MXRA5: variants seen among roughly 807,000 people sequenced by gnomAD.
MXRA5 encodes the protein matrix-remodeling-associated protein 5.
In MXRA5, 41 loss-of-function variants were observed where a neutral mutation model predicts 112.5. That is an observed-to-expected ratio of 0.36 (90% CI 0.28 to 0.47). The LOEUF (loss-of-function observed/expected upper bound fraction) is 0.47. Among genes scored for constraint, MXRA5 ranks in the 20% least tolerant of loss-of-function variants. The probability of loss-of-function intolerance (pLI) is 0.99; values close to 1 mark genes in which losing one functional copy is unlikely to be tolerated. For synonymous variants in MXRA5, 862 were observed against 900.8 expected, an observed-to-expected ratio of 0.96 and a Z score of 0.77; for missense variants, 2,150 against 2,251.0, an observed-to-expected ratio of 0.96 and a Z score of 0.91.
At chrX:3,315,368 G>GA (rs1569181278) in intron 6 of MXRA5, among the ~76,000 whole-genome samples, 5 of 38,798 alleles carry the variant, frequency 1.3e-4, no homozygotes, top group Non-Finnish European at 2.2e-4. Context: ...TAGATAGATA[G>GA]ATAGAATAGA....
Position 3,317,133 on chromosome X carries a change from G to C in MXRA5, c.6548C>G (p.Pro2183Arg), listed in dbSNP as rs748162487. 4 of 1,185,102 alleles carry C rather than the reference G, an allele frequency of 3.4e-6. No homozygotes were observed. Among genetic ancestry groups the C allele is most frequent in the African/African-American group, 1.8e-5 (1 of 56,959 alleles). Reference sequence around the variant, plus strand: ...GAGCGCGTCGATCATCCTCTTGGACGGCAGCCTCCAGAGGATGCGCGGCCA... The same window carrying C: ...GAGCGCGTCGATCATCCTCTTGGACCGCAGCCTCCAGAGGATGCGCGGCCA... Reference protein sequence around the residue: ...DPWPRILWRLPSKRMIDALFS... With the variant: ...DPWPRILWRLRSKRMIDALFS... Residue 2183 changes from proline (P) to arginine (R), a missense_variant, in exon 6 of 7, where the codon CCG becomes CGG. Coordinates refer to ENST00000217939, the MANE Select transcript of MXRA5 (RefSeq NM_015419.4).
intron 5 of MXRA5, among the ~76,000 whole-genome samples, chrX:3,319,436 T>C (rs906878402): frequency 8.9e-6 from 1 of 112,614 alleles, no homozygotes; most frequent in African/African-American, 3.2e-5. Flanking sequence ...CTCTCCCTTA[T>C]TTATTTATGC....
rs1287829970 is a variant in MXRA5 at position 3,320,856 on chromosome X, G to T, written c.4829C>A (p.Ala1610Asp). 1 of 1,211,870 alleles carries T rather than the reference G, an allele frequency of 8.3e-7. No homozygotes were observed. Among genetic ancestry groups the T allele is most frequent in the Non-Finnish European group, 1.1e-6 (1 of 895,544 alleles). The change falls in exon 5 of 7, where the codon GCC (alanine) becomes GAC (aspartate). Residue 1610 changes from alanine to aspartate, a missense_variant. This residue lies in a region of MXRA5 where 1,485 missense variants were observed against 1,471.6 expected (regional missense o/e 1.01). Coordinates refer to ENST00000217939, the MANE Select transcript of MXRA5 (RefSeq NM_015419.4). ...HASHQLTRVP[A>D]KPILPTATVR... The stretch of plus-strand genomic sequence containing the variant: ...TGTTGCTGTTGGTAGGATGGGTTTG[G>T]CAGGGACTCTGGTTAGTTGATGAGA...
chrX:3,325,860 T>A (rs867537263), intron 4 of MXRA5, among the ~76,000 whole-genome samples: 2 of 32,310 alleles, frequency 6.2e-5, no homozygotes, highest in Admixed American at 3.7e-4. Context: ...AATTTATAAT[T>A]ATAATTTATA....
chrX:3,337,368 A>G (rs1453828121), intron 2 of MXRA5, among the ~76,000 whole-genome samples: 1 of 112,014 alleles, frequency 8.9e-6, no homozygotes, highest in Non-Finnish European at 1.9e-5. Context: ...TGTAATGCAC[A>G]CGATGGCCCC....
chrX:3,332,535 C>T (rs760168113), intron 2 of MXRA5, among the ~76,000 whole-genome samples: 41 of 112,405 alleles, frequency 3.6e-4, no homozygotes, highest in Non-Finnish European at 6.8e-4. Context: ...TGAGCCACCG[C>T]GCCCGGCCAC....
At position 3,322,898 on chromosome X, in the gene MXRA5, T is replaced by C; in HGVS notation, c.2787A>G (p.Thr929=). 1 of 1,211,238 alleles carries C rather than the reference T, an allele frequency of 8.3e-7. No individual in the cohort carries two copies. Among genetic ancestry groups the C allele is most frequent in the Non-Finnish European group, 1.1e-6 (1 of 895,395 alleles). The change falls in exon 5 of 7, where the codon ACA becomes ACG. Residue 929 remains threonine, a synonymous_variant. Coordinates refer to ENST00000217939, the MANE Select transcript of MXRA5 (RefSeq NM_015419.4). ...CTTCATGGGTGGGCTTTTCATAGAC[T>C]GTGTCTAATGTGTGCAGAGTAGGAG... is the stretch of plus-strand genomic sequence containing the variant. ...EPSPTLHTLD[T]VYEKPTHEET... is the part of the protein sequence containing the mutation.
chrX:3,344,604 G>T (rs1487364528), intron 1 of MXRA5, among the ~76,000 whole-genome samples: 3 of 111,620 alleles, frequency 2.7e-5, no homozygotes, highest in Non-Finnish European at 5.6e-5. Context: ...GGAAAAGCTC[G>T]GGTAAAGCTA....
chrX:3,325,798 A>G (rs1163486727), intron 4 of MXRA5, among the ~76,000 whole-genome samples: 1 of 101,351 alleles, frequency 9.9e-6, no homozygotes, highest in Non-Finnish European at 2.0e-5. Context: ...ATAAATTTAT[A>G]GATGTACATA....
rs200969760 is a variant in MXRA5, at chrX:3,320,904, C to T, written c.4781G>A (p.Arg1594His). 63 of 1,210,094 alleles carry T rather than the reference C, an allele frequency of 5.2e-5. No individual in the cohort carries two copies. The African/African-American group carries it at 9.6e-4, about 18-fold the overall frequency. ...RSLPRGPDSQ[R>H]QDGRVHASHQ... ...AGAAGCATGAACTCTTCCATCCTGG[C>T]GTTGGCTATCTGGGCCACGTGGTAG... Residue 1594 changes from arginine (R) to histidine (H), a missense_variant, in exon 5 of 7, where the codon CGC becomes CAC. By Grantham distance (29) the Arg-to-His change is conservative. Around this residue, in one of 6 missense-constraint regions of MXRA5, gnomAD observed 1,485 missense variants for 1,471.6 expected, o/e 1.01. Transcript: ENST00000217939.
chrX:3,316,850 A>G (rs1921149681), intron 6 of MXRA5, among the ~76,000 whole-genome samples: 1 of 109,252 alleles, frequency 9.2e-6, no homozygotes, highest in Non-Finnish European at 1.9e-5. Flanking sequence ...AAATTTTTGT[A>G]TGTTTATTAG....
rs930169143 is a variant in MXRA5 at position 3,323,456 on chromosome X, C to T, written c.2229G>A (p.Lys743=). The part of the protein sequence containing the change: ...GDKKAKKGRR[K]LKLWKHSEKE... ...TTTCCGAATGCTTCCAGAGTTTCAG[C>T]TTTCTTCTCCCTTTCTTGGCTTTCT... Residue 743 remains lysine, a synonymous_variant, in exon 5 of 7, where the codon AAG becomes AAA. Coordinates refer to ENST00000217939, the MANE Select transcript of MXRA5 (RefSeq NM_015419.4). 3.3e-6 allele frequency: 4 copies of T among 1,210,382 alleles called. No homozygotes were observed. The African/African-American group carries it at 7.0e-5, about 21-fold the overall frequency.
At chrX:3,325,986 T>C (rs1474142425) in intron 4 of MXRA5, among the ~76,000 whole-genome samples, 12 of 67,804 alleles carry the variant, frequency 1.8e-4, no homozygotes, top group Non-Finnish European at 3.0e-4. Flanking sequence ...TTATAATATA[T>C]AATTTATATA....
In MXRA5 at chrX:3,321,110, G is replaced by A. The variant is rs1374425147; in HGVS notation, c.4575C>T (p.Ser1525=). ...CATAATTCAAGAAAACATTTTCCTT[G>A]GAATCTCTAGATGCTTGAGATATTC... ...SPRISQASRD[S]KENVFLNYVG... Residue 1525 remains serine (S), a synonymous_variant, in exon 5 of 7, where the codon TCC becomes TCT. Transcript: ENST00000217939. 8.3e-7 allele frequency: 1 copy of A among 1,211,176 alleles called. No homozygotes were observed. The highest frequency in any genetic ancestry group is 1.8e-5 in the South Asian group (1 of 56,958).
rs867647982 is a variant in MXRA5, at chrX:3,316,189, C to T, written c.6578+914G>A. 5.8e-3 allele frequency among the ~76,000 whole-genome samples: 516 copies of T among 88,966 alleles called. 2 individuals are homozygous for T. The highest frequency in any genetic ancestry group is 0.011 in the Middle Eastern group (2 of 186). The allele number at this position is 88,966 out of a possible 115,157, so 77.3% of individuals were successfully genotyped here. ...ATTAGCCAGGCGTGGTGGCGGGCGC[C>T]TGTAGTCCCAGCTACACGGGAGGCT... On this transcript the variant is annotated intron_variant, in intron 6 of 6. Transcript: ENST00000217939.
At chrX:3,342,483 T>C (rs1457531544) in intron 2 of MXRA5, among the ~76,000 whole-genome samples, 1 of 112,268 alleles carries the variant, frequency 8.9e-6, no homozygotes, top group Non-Finnish European at 1.9e-5. Context: ...GAAGCTGGCT[T>C]ATGTGTTACT....
chrX:3,314,300 C>G (rs904322180), intron 6 of MXRA5, among the ~76,000 whole-genome samples: 2 of 112,235 alleles, frequency 1.8e-5, no homozygotes, highest in African/African-American at 3.2e-5. Flanking sequence ...ATGGGGCCAT[C>G]CTGTGAACTG....
chrX:3,309,535 C>T lies in MXRA5; in HGVS notation c.*181G>A, dbSNP rs1310370431. Reference sequence around the variant, plus strand: ...CTCAGCAAGGCTGAGCCCTCCTTCTCGTGTCTGCATTGCTTCCTTTTCCCA... The same window carrying T: ...CTCAGCAAGGCTGAGCCCTCCTTCTTGTGTCTGCATTGCTTCCTTTTCCCA... On this transcript the variant is annotated 3_prime_UTR_variant, in exon 7 of 7. Coordinates refer to ENST00000217939, the MANE Select transcript of MXRA5 (RefSeq NM_015419.4). The T allele has an allele frequency of 4.5e-6, 2 of 443,037 alleles. No homozygotes were observed. Among genetic ancestry groups the T allele is most frequent in the Non-Finnish European group, 7.8e-6 (2 of 257,995 alleles). 36.5% of individuals were successfully genotyped at this position (443,037 alleles called of 1,213,427 possible). A position where few individuals can be genotyped will look rare whatever the true frequency, so the allele number is the denominator to read the frequency against.
intron 6 of MXRA5, among the ~76,000 whole-genome samples, chrX:3,316,657 A>G (rs1921143575): frequency 1.9e-5 from 2 of 107,694 alleles, no homozygotes; most frequent in South Asian, 8.6e-4. Flanking sequence ...CAACAGAGTG[A>G]CACCCTGTCT....
Sources: gnomAD v4.1 joint callset for allele counts (sites outside exome capture counted in the v4.1 genomes callset) on GRCh38, gnomAD v4.1.1 for gene constraint, gnomAD v4.1.1 regional missense constraint, MANE v1.5 for transcripts, NCBI Gene and HGNC (gene_info 2026-07-23, HGNC 2026-07-21) for gene names.